APP: variants seen among roughly 807,000 people sequenced by gnomAD.
APP encodes the protein amyloid beta precursor protein, also known as amyloid-beta precursor protein.
Under a neutral mutation model 101.4 loss-of-function variants are expected in APP, and 31 were observed. That is an observed-to-expected ratio of 0.31 (90% CI 0.23 to 0.41). The LOEUF is 0.41. Ranked by LOEUF, APP falls within the 10% of genes least tolerant of loss-of-function variation. The probability of loss-of-function intolerance (pLI) is 1.00; values close to 1 mark genes in which losing one functional copy is unlikely to be tolerated. For synonymous variants in APP, 366 were observed against 364.4 expected, an observed-to-expected ratio of 1.00 and a Z score of -0.05; for missense variants, 839 against 1,003.7, an observed-to-expected ratio of 0.84 and a Z score of 2.22.
intron 13 of APP, among the ~76,000 whole-genome samples, chr21:25,932,252 G>A (rs1241809924): frequency 6.6e-6 from 1 of 152,206 alleles, no homozygotes; most frequent in African/African-American, 2.4e-5. Flanking sequence ...AGAAAATAGT[G>A]TAGGAGATGA....
intron 5 of APP, among the ~76,000 whole-genome samples, chr21:26,028,967 C>T (rs926506118): frequency 6.6e-6 from 1 of 152,058 alleles, no homozygotes; most frequent in African/African-American, 2.4e-5. Flanking sequence ...CACGGAAGAG[C>T]CATGTGAACT....
At chr21:25,955,547 C>T in intron 12 of APP, 80 bp downstream of exon 12, 1 of 1,602,322 alleles carries the variant, frequency 6.2e-7, no homozygotes, top group Non-Finnish European at 8.5e-7. Flanking sequence ...TCGGAGAATG[C>T]GTGGGATCCT....
At chr21:26,037,754 G>A (rs2045183317) in intron 5 of APP, among the ~76,000 whole-genome samples, 3 of 152,124 alleles carry the variant, frequency 2.0e-5, no homozygotes, top group Admixed American at 2.0e-4. Context: ...CTTCTGATAT[G>A]TGTATGAGTC....
At chr21:25,964,726 G>A (rs371689716) in intron 11 of APP, among the ~76,000 whole-genome samples, 2 of 150,890 alleles carry the variant, frequency 1.3e-5, no homozygotes, top group African/African-American at 4.9e-5. Context: ...TCAGCCTCCC[G>A]AGTAGCTGGG....
chr21:25,993,279 C>A (rs2042937820), intron 8 of APP, among the ~76,000 whole-genome samples: 1 of 110,212 alleles, frequency 9.1e-6, no homozygotes, highest in South Asian at 3.8e-4. Flanking sequence ...GCCTACACCT[C>A]TGCACAAACT....
intron 3 of APP, among the ~76,000 whole-genome samples, chr21:26,055,878 T>C (rs1161203840): frequency 6.6e-6 from 1 of 152,214 alleles, no homozygotes; most frequent in African/African-American, 2.4e-5. Flanking sequence ...GCAAGAGTTC[T>C]TGGGGGCATA....
At chr21:25,905,928 A>C (rs1293097954) in intron 14 of APP, among the ~76,000 whole-genome samples, 1 of 130,536 alleles carries the variant, frequency 7.7e-6, no homozygotes, top group Non-Finnish European at 1.6e-5. Flanking sequence ...TAGGATTAAT[A>C]ATGGTCATAG....
rs79921393 is a variant in APP, at chr21:26,109,357, G to A, written c.225+2622C>T. 5.0e-3 allele frequency among the ~76,000 whole-genome samples: 759 copies of A among 152,292 alleles called. 7 individuals are homozygous for A. The highest frequency in any genetic ancestry group is 0.017 in the African/African-American group (713 of 41,552). On this transcript the variant is annotated intron_variant, in intron 2 of 17. Transcript: ENST00000346798. ...AGCACCATCCCTCGAGTGCTGTCCC[G>A]TGACAGTGTTCTCATGAGATCCGGG...
chr21:26,151,693 G>C (rs573435086), intron 1 of APP, among the ~76,000 whole-genome samples: 1 of 152,122 alleles, frequency 6.6e-6, no homozygotes, highest in South Asian at 2.1e-4. Flanking sequence ...TCTTACATGC[G>C]GTTCACAATA....
In APP at chr21:25,881,691, G is replaced by T. The variant is rs1382239795; in HGVS notation, c.2292C>A (p.Phe764Leu). The T allele has an allele frequency of 1.2e-6, 2 of 1,614,028 alleles. No homozygotes were observed. The highest frequency in any genetic ancestry group is 3.3e-5 in the Admixed American group (2 of 60,028). ...GGGTCTAGTTCTGCATCTGCTCAAAGAACTTGTAGGTTGGATTTTCGTAGC... is the reference window on the plus strand; with the variant it reads ...GGGTCTAGTTCTGCATCTGCTCAAATAACTTGTAGGTTGGATTTTCGTAGC... Reference protein sequence around the residue: ...QNGYENPTYKFFEQMQN With the variant: ...QNGYENPTYKLFEQMQN Residue 764 changes from phenylalanine (F) to leucine (L), a missense_variant, in exon 18 of 18, where the codon TTC becomes TTA. Physicochemically the swap from Phe to Leu is conservative, Grantham distance 22. Coordinates refer to ENST00000346798, the MANE Select transcript of APP (RefSeq NM_000484.4).
At chr21:26,147,475 G>A (rs754772700) in intron 1 of APP, among the ~76,000 whole-genome samples, 1 of 152,120 alleles carries the variant, frequency 6.6e-6, no homozygotes, top group Non-Finnish European at 1.5e-5. Flanking sequence ...CATCTGACTA[G>A]AAAGTCAGTA....
intron 14 of APP, among the ~76,000 whole-genome samples, chr21:25,906,332 T>G (rs1377870371): frequency 6.6e-6 from 1 of 152,114 alleles, no homozygotes; most frequent in Non-Finnish European, 1.5e-5. Context: ...AGGCATCTAA[T>G]CCCAGGCCTG....
intron 15 of APP, among the ~76,000 whole-genome samples, chr21:25,901,797 G>A (rs910618037): frequency 6.7e-6 from 1 of 149,858 alleles, no homozygotes; most frequent in African/African-American, 2.5e-5. Context: ...TGGGGGCTAA[G>A]GGAGGTATGT....
chr21:25,909,732 C>A (rs1395364181), intron 14 of APP, among the ~76,000 whole-genome samples: 1 of 152,148 alleles, frequency 6.6e-6, no homozygotes, highest in Admixed American at 6.5e-5. Context: ...TCATTAGAGA[C>A]TGAATGAAGA....
chr21:26,022,840 T>A (rs1240107071), intron 5 of APP, among the ~76,000 whole-genome samples: 1 of 150,164 alleles, frequency 6.7e-6, no homozygotes, highest in Non-Finnish European at 1.5e-5. Flanking sequence ...GACACACAGG[T>A]GGAAGATGAA....
chr21:25,883,276 G>A (rs897537227), intron 17 of APP, among the ~76,000 whole-genome samples: 2 of 151,964 alleles, frequency 1.3e-5, no homozygotes, highest in Admixed American at 6.6e-5. Context: ...GGTGGTGCAC[G>A]CCTGTAATCC....
Position 25,891,494 on chromosome 21 carries a change from G to C in APP, c.2211+228C>G, listed in dbSNP as rs1569013601. ...TATTTTGATAACTTCAACACAAATT[G>C]TAAGTTGAGATAACAACACACACTC... is the stretch of plus-strand genomic sequence containing the variant. On this transcript the variant is annotated intron_variant, in intron 17 of 17. Coordinates refer to ENST00000346798, the MANE Select transcript of APP (RefSeq NM_000484.4). Among the ~76,000 whole-genome samples, 3 of 152,030 alleles carry C rather than the reference G, an allele frequency of 2.0e-5. No individual in the cohort carries two copies. In the East Asian group the frequency reaches 5.8e-4, roughly 29 times the overall value.
chr21:26,007,615 G>A (rs2043595676), intron 6 of APP, among the ~76,000 whole-genome samples: 3 of 151,280 alleles, frequency 2.0e-5, no homozygotes, highest in Admixed American at 6.6e-5. Context: ...GTATTACTAC[G>A]TGGTGACATT....
intron 6 of APP, 66 bp from the exon 7 acceptor site, chr21:26,000,248 A>G: frequency 6.3e-7 from 1 of 1,592,956 alleles, no homozygotes; most frequent in Non-Finnish European, 8.6e-7. Context: ...GTTCATGTAT[A>G]CACGTTTACT....
Sources: gnomAD v4.1 joint callset for allele counts (sites outside exome capture counted in the v4.1 genomes callset) on GRCh38, gnomAD v4.1.1 for gene constraint, MANE v1.5 for transcripts, NCBI Gene and HGNC (gene_info 2026-07-23, HGNC 2026-07-21) for gene names.